LAMA2: variants seen among roughly 807,000 people sequenced by gnomAD.
LAMA2 encodes laminin subunit alpha 2, also known as laminin subunit alpha-2.
Under a neutral mutation model 364.8 loss-of-function variants are expected in LAMA2, and 269 were observed. That is an observed-to-expected ratio of 0.74 (90% CI 0.67 to 0.82). LAMA2 has a LOEUF of 0.82. Ranked by LOEUF, LAMA2 falls within the 40% of genes least tolerant of loss-of-function variation. LAMA2 has a pLI of 0.00. For synonymous variants in LAMA2, 1,379 were observed against 1,370.6 expected (o/e 1.01, Z -0.14); for missense variants, 3,807 against 3,873.2 (o/e 0.98, Z 0.45).
chr6:129,454,152 T>G lies in LAMA2; in HGVS notation c.6574-3T>G. 6.2e-7 allele frequency: 1 copy of G among 1,611,778 alleles called. No homozygotes were observed. The highest frequency in any genetic ancestry group is 8.5e-7 in the Non-Finnish European group (1 of 1,178,100). On this transcript the variant is annotated splice_region_variant and splice_polypyrimidine_tract_variant and intron_variant, in intron 46 of 64. Coordinates refer to ENST00000421865, the MANE Select transcript of LAMA2 (RefSeq NM_000426.4). ...CTCTTGTTTTTGTATTTCTCTGAAC[T>G]AGATTGACTTTCTGGCTATAGAAAT...
At chr6:129,200,111 C>A in intron 12 of LAMA2, among the ~76,000 whole-genome samples, 1 of 115,262 alleles carries the variant, frequency 8.7e-6, no homozygotes, top group Admixed American at 9.1e-5. Context: ...TATGTGTACA[C>A]GTATATATAT....
At chr6:129,379,728 T>G (rs1778575922) in intron 34 of LAMA2, among the ~76,000 whole-genome samples, 2 of 152,206 alleles carry the variant, frequency 1.3e-5, no homozygotes, top group Admixed American at 6.5e-5. Flanking sequence ...TAGTTGGGAC[T>G]GGAGATTCAC....
chr6:129,252,129 C>T lies in LAMA2; in HGVS notation c.1930C>T (p.His644Tyr). The change falls in exon 14 of 65, where the codon CAC becomes TAC. Residue 644 changes from histidine to tyrosine, a missense_variant. Around this residue, in one of 3 missense-constraint regions of LAMA2, gnomAD observed 3,333 missense variants for 3,345.7 expected, o/e 1.00. Transcript: ENST00000421865. ...ISTAQDEVYL[H>Y]PSEEHTNVLL... is the part of the protein sequence containing the mutation. Reference sequence around the variant, plus strand: ...CACAGCCCAAGATGAGGTGTACCTGCACCCATCTGAAGAACATACTAATGT... The same window carrying T: ...CACAGCCCAAGATGAGGTGTACCTGTACCCATCTGAAGAACATACTAATGT... 6.2e-7 allele frequency: 1 copy of T among 1,613,462 alleles called. No individual in the cohort carries two copies. The highest frequency in any genetic ancestry group is 1.3e-5 in the African/African-American group (1 of 74,946).
At position 129,280,103 on chromosome 6, in the gene LAMA2, C is replaced by A. The variant is rs201970154; in HGVS notation, c.2493C>A (p.Ile831=). The A allele has an allele frequency of 6.2e-7, 1 of 1,613,310 alleles. No homozygotes were observed. The highest frequency in any genetic ancestry group is 8.5e-7 in the Non-Finnish European group (1 of 1,179,510). Residue 831 remains isoleucine, a synonymous_variant, in exon 18 of 65, where the codon ATC becomes ATA. Coordinates refer to ENST00000421865, the MANE Select transcript of LAMA2 (RefSeq NM_000426.4). ...ATTTAGACCGGAGTCTTGGATTGATCTGTGATGGATGCCCTGTCGGGTACA... is the reference window on the plus strand; with the variant it reads ...ATTTAGACCGGAGTCTTGGATTGATATGTGATGGATGCCCTGTCGGGTACA... The part of the protein sequence containing the change: ...TCHLDRSLGL[I]CDGCPVGYTG...
intron 1 of LAMA2, among the ~76,000 whole-genome samples, chr6:128,988,385 C>T (rs1783401163): frequency 6.6e-6 from 1 of 151,918 alleles, no homozygotes; most frequent in Non-Finnish European, 1.5e-5. Context: ...ATTTCTCTAT[C>T]AAATGTACTT....
At position 129,448,274 on chromosome 6, in the gene LAMA2, C is replaced by A. The variant is rs529555082; in HGVS notation, c.6429+2453C>A. On this transcript the variant is annotated intron_variant, in intron 45 of 64. Transcript: ENST00000421865. ...CTCCAGCCTGGGTGGCAAATAGAAA[C>A]CCTGTCCCCCCCCAAAAAAAAAGAG... Among the ~76,000 whole-genome samples, 15 of 151,800 alleles carry A rather than the reference C, an allele frequency of 9.9e-5. No homozygotes were observed. The South Asian group carries it at 2.3e-3, about 23-fold the overall frequency.
chr6:129,483,235 C>G (rs970659058), intron 55 of LAMA2, among the ~76,000 whole-genome samples: 1 of 148,654 alleles, frequency 6.7e-6, no homozygotes, highest in Non-Finnish European at 1.5e-5. Context: ...AAAAAAAAAA[C>G]TATAACAAGT....
chr6:129,314,477 G>C (rs1296532311), intron 23 of LAMA2, among the ~76,000 whole-genome samples, 178 bp from the exon 24 acceptor site: 1 of 150,186 alleles, frequency 6.7e-6, no homozygotes, highest in Non-Finnish European at 1.5e-5. Flanking sequence ...AAAGATCCAT[G>C]AACTCCTAAC....
intron 3 of LAMA2, among the ~76,000 whole-genome samples, chr6:129,083,852 C>T (rs1774214434): frequency 6.6e-6 from 1 of 152,140 alleles, no homozygotes; most frequent in East Asian, 1.9e-4. Flanking sequence ...ATGGACCAAA[C>T]ACTGATCTAG....
At chr6:129,052,443 C>T (rs1337605908) in intron 2 of LAMA2, among the ~76,000 whole-genome samples, 1 of 151,974 alleles carries the variant, frequency 6.6e-6, no homozygotes, top group African/African-American at 2.4e-5. Flanking sequence ...CCACCGCGCC[C>T]GGCCTTTTCT....
intron 3 of LAMA2, among the ~76,000 whole-genome samples, chr6:129,093,232 G>A (rs531643393): frequency 6.0e-5 from 9 of 150,714 alleles, no homozygotes; most frequent in East Asian, 1.9e-4. Context: ...ATCGTGATCC[G>A]CCTGCCCCAG....
intron 63 of LAMA2, 78 bp downstream of exon 63, chr6:129,512,571 C>T: frequency 6.6e-7 from 1 of 1,515,406 alleles, no homozygotes; most frequent in Non-Finnish European, 9.2e-7. Flanking sequence ...GTGTGGGAAA[C>T]TCGAATATTT....
chr6:129,006,731 A>G (rs1010282581), intron 1 of LAMA2, among the ~76,000 whole-genome samples: 2 of 152,124 alleles, frequency 1.3e-5, no homozygotes, highest in Admixed American at 6.6e-5. Flanking sequence ...CGTGTCCAGT[A>G]TAAAATCGTA....
chr6:129,411,231 A>G (rs527451051), intron 40 of LAMA2, among the ~76,000 whole-genome samples: 18 of 152,334 alleles, frequency 1.2e-4, no homozygotes, highest in Non-Finnish European at 1.9e-4. Flanking sequence ...TCCAAATTCA[A>G]GTTCTCTTAC....
At chr6:129,290,679 A>G (rs781485376) in intron 19 of LAMA2, among the ~76,000 whole-genome samples, 1 of 152,154 alleles carries the variant, frequency 6.6e-6, no homozygotes, top group Non-Finnish European at 1.5e-5. Flanking sequence ...TATAAATGCA[A>G]TTATATGTAC....
rs763815272 is a variant in LAMA2, at chr6:129,516,230, C to T, written c.9252C>T (p.Phe3084=). The change falls in exon 65 of 65, where the codon TTC becomes TTT. Residue 3084 remains phenylalanine, a synonymous_variant. Transcript: ENST00000421865. ...TTGGCCTAACAACCAGTATTCCGTTCCGAGGTTGCATCAGATCCCTGAAGC... is the reference window on the plus strand; with the variant it reads ...TTGGCCTAACAACCAGTATTCCGTTTCGAGGTTGCATCAGATCCCTGAAGC... The part of the protein sequence containing the change: ...KQFGLTTSIP[F]RGCIRSLKLT... 1.9e-6 allele frequency: 3 copies of T among 1,614,064 alleles called. No individual in the cohort carries two copies. The Admixed American group carries it at 5.0e-5, about 27-fold the overall frequency.
At position 128,917,170 on chromosome 6, in the gene LAMA2, CT is replaced by C. The variant is rs1276978403; in HGVS notation, c.112+33819del. ...TACAAATAGAACATGAAATTGAAGC[CT>C]TTTTTAAAAAAAAAAAAAACTAATT... On this transcript the variant is annotated intron_variant, in intron 1 of 64. Coordinates refer to ENST00000421865, the MANE Select transcript of LAMA2 (RefSeq NM_000426.4). Among the ~76,000 whole-genome samples the C allele has an allele frequency of 2.2e-3, 124 of 56,922 alleles. 1 individual carries two copies. In the Middle Eastern group the frequency reaches 0.025, roughly 12 times the overall value. 37.3% of individuals were successfully genotyped at this position (56,922 alleles called of 152,430 possible).
chr6:129,376,385 T>C (rs1156240918), intron 34 of LAMA2, among the ~76,000 whole-genome samples: 3 of 152,202 alleles, frequency 2.0e-5, no homozygotes, highest in Admixed American at 6.5e-5. Flanking sequence ...ATTACCACAT[T>C]TGTTTTTTAG....
Position 129,270,647 on chromosome 6 carries a change from C to T in LAMA2, c.2346C>T (p.Gly782=), listed in dbSNP as rs1175361780. The change falls in exon 17 of 65, where the codon GGC becomes GGT. Residue 782 remains glycine, a synonymous_variant. Coordinates refer to ENST00000421865, the MANE Select transcript of LAMA2 (RefSeq NM_000426.4). ...ECLNCKDHTG[G]PYCDKCLPGF... is the part of the protein sequence containing the mutation. ...AGAACTGTAAGGATCACACAGGTGG[C>T]CCATATTGTGATAAATGTCTTCCTG... 1 of 1,612,914 alleles carries T rather than the reference C, an allele frequency of 6.2e-7. No homozygotes were observed. The highest frequency in any genetic ancestry group is 1.7e-5 in the Admixed American group (1 of 59,862).
Sources: allele counts gnomAD v4.1 joint callset (sites outside exome capture counted in the v4.1 genomes callset), GRCh38; gene constraint gnomAD v4.1.1; regional missense constraint gnomAD v4.1.1; transcripts MANE v1.5; gene names NCBI Gene and HGNC (gene_info 2026-07-23, HGNC 2026-07-21).